HECW1: variants seen among roughly 807,000 people sequenced by gnomAD.
HECW1 encodes E3 ubiquitin-protein ligase HECW1.
A neutral mutation model predicts 182.3 loss-of-function variants in HECW1; 61 were observed. The observed-to-expected ratio is 0.33, with a 90% CI of 0.27 to 0.41. HECW1 has a LOEUF of 0.41. HECW1 is among the 10% of genes least tolerant of loss of function. The pLI is 1.00. For missense variants in HECW1, 1,739 were observed against 2,108.9 expected, an observed-to-expected ratio of 0.82 and a Z score of 3.44; for synonymous variants, 859 against 832.6, an observed-to-expected ratio of 1.03 and a Z score of -0.55.
chr7:43,379,854 C>T (rs771269164), intron 6 of HECW1, among the ~76,000 whole-genome samples: 30 of 152,134 alleles, frequency 2.0e-4, no homozygotes, highest in Non-Finnish European at 3.4e-4. Flanking sequence ...TCATGGTGCT[C>T]GTGTTGTAAT....
rs1585316680 is a variant in HECW1, at chr7:43,563,055, A to G, written c.*1129A>G. The G allele has an allele frequency of 5.0e-6, 1 of 198,626 alleles. No homozygotes were observed. The highest frequency in any genetic ancestry group is 7.7e-5 in the East Asian group (1 of 12,920). 12.3% of individuals were successfully genotyped at this position (198,626 alleles called of 1,614,324 possible). ...AATCATGGAGTTCAAGTTCCTTTGCATTCGATTGTCCATCGGGACCACACT... is the reference window on the plus strand; with the variant it reads ...AATCATGGAGTTCAAGTTCCTTTGCGTTCGATTGTCCATCGGGACCACACT... On this transcript the variant is annotated 3_prime_UTR_variant, in exon 30 of 30. Coordinates refer to ENST00000395891, the MANE Select transcript of HECW1 (RefSeq NM_015052.5).
intron 2 of HECW1, chr7:43,121,894 G>T (rs1265313021): frequency 6.6e-6 from 1 of 152,134 alleles, no homozygotes; most frequent in East Asian, 1.9e-4. Flanking sequence ...ATCTGCCTCA[G>T]CAGGTACTTC....
chr7:43,250,216 A>G (rs969560622), intron 3 of HECW1, among the ~76,000 whole-genome samples: 3 of 152,052 alleles, frequency 2.0e-5, no homozygotes, highest in African/African-American at 7.2e-5. Context: ...AAAATTCTGG[A>G]TAGGGATTAT....
chr7:43,264,216 C>A (rs939024487), intron 3 of HECW1, among the ~76,000 whole-genome samples: 1 of 152,124 alleles, frequency 6.6e-6, no homozygotes, highest in East Asian at 1.9e-4. Context: ...AACATTATAC[C>A]TTTTGACCAA....
chr7:43,197,005 C>T (rs973399685), intron 2 of HECW1, among the ~76,000 whole-genome samples: 7 of 151,890 alleles, frequency 4.6e-5, no homozygotes, highest in African/African-American at 9.7e-5. Context: ...AGCTAAAGGA[C>T]GGGCACATAT....
chr7:43,451,238 T>C (rs2077225726), intron 12 of HECW1, among the ~76,000 whole-genome samples: 1 of 152,226 alleles, frequency 6.6e-6, no homozygotes, highest in Non-Finnish European at 1.5e-5. Flanking sequence ...TCATGACCTT[T>C]AAGTCCCAAA....
rs1201545652 is a variant in HECW1, at chr7:43,225,688, A to G, written c.-31-18187A>G. On this transcript the variant is annotated intron_variant, in intron 2 of 29. Transcript: ENST00000395891. ...GATTATGAAACTATTCATGCTACCA[A>G]AAAATTATTAAAAACCATGAATAAT... 2.0e-4 allele frequency among the ~76,000 whole-genome samples: 31 copies of G among 152,236 alleles called. 1 individual carries two copies. Among genetic ancestry groups the G allele is most frequent in the Non-Finnish European group, 7.3e-5 (5 of 68,042 alleles).
At chr7:43,241,542 A>G (rs952669594) in intron 2 of HECW1, 7 of 152,024 alleles carry the variant, frequency 4.6e-5, no homozygotes, top group African/African-American at 1.7e-4. Flanking sequence ...CCCCAGTACT[A>G]AGTGCTAAAT....
At chr7:43,508,238 C>T in intron 23 of HECW1, 107 bp downstream of exon 23, 1 of 657,560 alleles carries the variant, frequency 1.5e-6, no homozygotes, top group Non-Finnish European at 2.7e-6. Flanking sequence ...TCAGTCTTCA[C>T]CCCAATGCGA....
intron 4 of HECW1, among the ~76,000 whole-genome samples, chr7:43,317,837 G>A (rs972211998): frequency 6.6e-6 from 1 of 151,678 alleles, no homozygotes; most frequent in Admixed American, 6.6e-5. Context: ...GTGTGTGTGT[G>A]TGTGTGTGTG....
chr7:43,209,504 T>C (rs1795808362), intron 2 of HECW1, among the ~76,000 whole-genome samples: 1 of 152,188 alleles, frequency 6.6e-6, no homozygotes. Flanking sequence ...TGTAAAGCAC[T>C]GTCAAATTTA....
intron 2 of HECW1, among the ~76,000 whole-genome samples, chr7:43,185,101 T>C (rs1793262863): frequency 6.6e-6 from 1 of 151,968 alleles, no homozygotes. Flanking sequence ...GCAAACCCTA[T>C]CAATGCCCGT....
intron 5 of HECW1, among the ~76,000 whole-genome samples, chr7:43,343,706 G>A (rs1454269305): frequency 6.6e-6 from 1 of 151,806 alleles, no homozygotes; most frequent in Non-Finnish European, 1.5e-5. Context: ...TTGCTATTGT[G>A]AATAGTGCCG....
chr7:43,261,588 C>T (rs574808147), intron 3 of HECW1, among the ~76,000 whole-genome samples: 19 of 152,278 alleles, frequency 1.2e-4, no homozygotes, highest in African/African-American at 3.8e-4. Context: ...ACATGTGGCA[C>T]GGACTCCACC....
At chr7:43,124,937 A>C (rs965740991) in intron 2 of HECW1, among the ~76,000 whole-genome samples, 1 of 152,210 alleles carries the variant, frequency 6.6e-6, no homozygotes, top group African/African-American at 2.4e-5. Context: ...CTGTGTTTTC[A>C]AGATGCCTTA....
chr7:43,167,297 T>G (rs966141880), intron 2 of HECW1, among the ~76,000 whole-genome samples: 1 of 152,184 alleles, frequency 6.6e-6, no homozygotes, highest in Non-Finnish European at 1.5e-5. Context: ...CCTTCCCCTA[T>G]GTCTCTGTGT....
intron 2 of HECW1, among the ~76,000 whole-genome samples, chr7:43,237,992 G>T: frequency 6.6e-6 from 1 of 152,132 alleles, no homozygotes; most frequent in East Asian, 1.9e-4. Flanking sequence ...GCATAATTCT[G>T]CCCCATCATA....
intron 2 of HECW1, among the ~76,000 whole-genome samples, chr7:43,229,251 T>A (rs1048791300): frequency 2.0e-5 from 3 of 152,238 alleles, no homozygotes; most frequent in Non-Finnish European, 4.4e-5. Context: ...CTTTACACCA[T>A]AATGGCTTTG....
intron 8 of HECW1, among the ~76,000 whole-genome samples, chr7:43,423,131 C>CA (rs902929118): frequency 4.6e-5 from 7 of 152,070 alleles, no homozygotes; most frequent in African/African-American, 1.2e-4. Flanking sequence ...GTCATTAGCA[C>CA]AAAAAAATCA....
Sources: gnomAD v4.1 joint callset for allele counts (sites outside exome capture counted in the v4.1 genomes callset) on GRCh38, gnomAD v4.1.1 for gene constraint, MANE v1.5 for transcripts, NCBI Gene and HGNC (gene_info 2026-07-23, HGNC 2026-07-21) for gene names.